HDAC4: variants seen among roughly 807,000 people sequenced by gnomAD.
HDAC4 encodes the protein histone deacetylase A.
HDAC4 carries 16 observed loss-of-function variants against 135.1 expected under a neutral mutation model. The ratio of observed to expected loss-of-function variants is 0.12; its 90% CI spans 0.08 to 0.18. HDAC4 has a LOEUF of 0.18. Ranked by LOEUF, HDAC4 falls within the 10% of genes least tolerant of loss-of-function variation. HDAC4 has a pLI of 1.00. For synonymous variants in HDAC4, 685 were observed against 653.4 expected, an observed-to-expected ratio of 1.05 and a Z score of -0.74; for missense variants, 1,143 against 1,511.8, an observed-to-expected ratio of 0.76 and a Z score of 4.05.
At chr2:239,357,899 AAAAAAAAAAAAAAAAAAAG>A (rs958066367) in intron 1 of HDAC4, among the ~76,000 whole-genome samples, 2 of 98,672 alleles carry the variant, frequency 2.0e-5, no homozygotes, top group African/African-American at 6.0e-5. Context: ...AAAAAAAAAA[AAAAAAAAAAAAAAAAAAAG>A]AGAGTGGGAA....
At position 239,146,198 on chromosome 2, in the gene HDAC4, C is replaced by T. The variant is rs969527946; in HGVS notation, c.734-1484G>A. ...TTCACAAGCTCCACTTCTATTTCCA[C>T]GCTGGGTTTCTTGCCATTATTCAAA... On this transcript the variant is annotated intron_variant, in intron 7 of 26. Transcript: ENST00000543185. The surrounding 1 kb of genome is among the most constrained non-coding windows in gnomAD (Gnocchi z 4.5). 4.6e-5 allele frequency among the ~76,000 whole-genome samples: 7 copies of T among 152,304 alleles called. No individual in the cohort carries two copies. Among genetic ancestry groups the T allele is most frequent in the Non-Finnish European group, 8.8e-5 (6 of 68,016 alleles).
At chr2:239,157,985 A>T (rs992011441) in intron 6 of HDAC4, among the ~76,000 whole-genome samples, 1 of 152,184 alleles carries the variant, frequency 6.6e-6, no homozygotes, top group African/African-American at 2.4e-5. Flanking sequence ...TGCTCAGGGC[A>T]CACCTCCAAC....
intron 11 of HDAC4, among the ~76,000 whole-genome samples, chr2:239,128,974 G>T (rs988461916): frequency 4.6e-5 from 7 of 152,304 alleles, no homozygotes; most frequent in African/African-American, 1.7e-4. Context: ...CTCCGCATGG[G>T]CCCAGGAATT....
chr2:239,061,049 G>A (rs1013406524), intron 24 of HDAC4, among the ~76,000 whole-genome samples: 9 of 152,264 alleles, frequency 5.9e-5, no homozygotes, highest in South Asian at 2.1e-4. Flanking sequence ...AGGAGCAAGC[G>A]GGACACACGA....
chr2:239,320,263 T>G (rs148509485), intron 2 of HDAC4, among the ~76,000 whole-genome samples: 2,739 of 151,194 alleles, frequency 0.018, 43 homozygotes, highest in Non-Finnish European at 0.028. Flanking sequence ...GCGCCTGTAA[T>G]CCCAGCTACT....
intron 2 of HDAC4, among the ~76,000 whole-genome samples, chr2:239,330,385 G>A (rs1407941209): frequency 6.6e-6 from 1 of 152,270 alleles, no homozygotes; most frequent in Non-Finnish European, 1.5e-5. Flanking sequence ...GCCTGAGCAA[G>A]GGCCACTGGG....
intron 5 of HDAC4, among the ~76,000 whole-genome samples, chr2:239,165,583 G>C (rs1208566317): frequency 6.6e-6 from 1 of 152,134 alleles, no homozygotes; most frequent in Non-Finnish European, 1.5e-5. Context: ...GCCCTGGCCT[G>C]GTTCGGCCTC....
At chr2:239,191,314 C>T (rs1410347510) in intron 3 of HDAC4, among the ~76,000 whole-genome samples, 1 of 152,248 alleles carries the variant, frequency 6.6e-6, no homozygotes, top group African/African-American at 2.4e-5. Flanking sequence ...AGCCCACCCA[C>T]GTTCACCCTG....
chr2:239,202,324 TAGAA>T (rs1469269944), intron 3 of HDAC4, among the ~76,000 whole-genome samples: 2 of 152,156 alleles, frequency 1.3e-5, no homozygotes, highest in African/African-American at 4.8e-5. Context: ...GACACTCAGA[TAGAA>T]AGACCTGGTC....
At chr2:239,118,042 C>T (rs1022226742) in intron 12 of HDAC4, among the ~76,000 whole-genome samples, 1 of 152,174 alleles carries the variant, frequency 6.6e-6, no homozygotes, top group African/African-American at 2.4e-5. Flanking sequence ...TCCGCTTGCT[C>T]CCAGGGGTCA....
At chr2:239,176,181 GC>G (rs1478617562) in intron 5 of HDAC4, among the ~76,000 whole-genome samples, 1 of 150,350 alleles carries the variant, frequency 6.7e-6, no homozygotes, top group Admixed American at 6.6e-5. Context: ...CCCTCCCTCT[GC>G]CCGGCCTCCC....
At chr2:239,377,437 G>A (rs1354543770) in intron 1 of HDAC4, among the ~76,000 whole-genome samples, 1 of 152,202 alleles carries the variant, frequency 6.6e-6, no homozygotes, top group Non-Finnish European at 1.5e-5. Flanking sequence ...GGGCTGCCCC[G>A]ACGCCTGCAT....
intron 22 of HDAC4, among the ~76,000 whole-genome samples, chr2:239,073,538 C>T (rs529963055): frequency 1.3e-5 from 2 of 152,360 alleles, no homozygotes; most frequent in East Asian, 1.9e-4. Context: ...AGAGCACAGG[C>T]GGCAGGACTT....
intron 3 of HDAC4, chr2:239,191,109 C>G (rs1190067884): frequency 2.4e-6 from 1 of 425,264 alleles, no homozygotes; most frequent in African/African-American, 2.0e-5. Context: ...CCCACAGGCC[C>G]ACCCCTCAGA....
At position 239,108,190 on chromosome 2, in the gene HDAC4, C is replaced by T. The variant is rs762045824; in HGVS notation, c.1979-7G>A. On this transcript the variant is annotated splice_polypyrimidine_tract_variant and splice_region_variant and intron_variant, in intron 14 of 26. Transcript: ENST00000543185. Reference sequence around the variant, plus strand: ...AGCGTGTCATACACGAGGCCTGGGGCGGGGCAGAGGGGCCAAGATCAGCGC... The same window carrying T: ...AGCGTGTCATACACGAGGCCTGGGGTGGGGCAGAGGGGCCAAGATCAGCGC... 1.3e-5 allele frequency: 20 copies of T among 1,594,534 alleles called. No homozygotes were observed. The highest frequency in any genetic ancestry group is 2.3e-5 in the East Asian group (1 of 43,838).
rs970997285 is a variant in HDAC4 at position 239,285,304 on chromosome 2, G to A, written c.23-48640C>T. On this transcript the variant is annotated intron_variant, in intron 2 of 26. Coordinates refer to ENST00000543185, the MANE Select transcript of HDAC4 (RefSeq NM_001378414.1). The surrounding 1 kb of genome is among the most constrained non-coding windows in gnomAD (Gnocchi z 4.5). Reference sequence around the variant, plus strand: ...CAGATCCCTGCTGGGAGTGGAGAACGCGCCGCGGCTGGGCCCCCAAGTTCG... The same window carrying A: ...CAGATCCCTGCTGGGAGTGGAGAACACGCCGCGGCTGGGCCCCCAAGTTCG... 1.4e-4 allele frequency among the ~76,000 whole-genome samples: 22 copies of A among 152,178 alleles called. No individual in the cohort carries two copies. The highest frequency in any genetic ancestry group is 2.9e-5 in the Non-Finnish European group (2 of 68,038).
intron 1 of HDAC4, among the ~76,000 whole-genome samples, chr2:239,371,133 G>A (rs1694581196): frequency 6.6e-6 from 1 of 152,228 alleles, no homozygotes; most frequent in African/African-American, 2.4e-5. Context: ...CAGGAACCCT[G>A]CGCCTCAGGC....
chr2:239,161,579 CAAG>C (rs1202186085), intron 6 of HDAC4, among the ~76,000 whole-genome samples: 3 of 152,154 alleles, frequency 2.0e-5, no homozygotes, highest in Admixed American at 1.3e-4. Flanking sequence ...TACGGCAAAA[CAAG>C]AAAACCACCA....
intron 22 of HDAC4, among the ~76,000 whole-genome samples, chr2:239,079,238 C>T (rs1311961976): frequency 1.3e-5 from 2 of 152,190 alleles, no homozygotes; most frequent in Non-Finnish European, 2.9e-5. Flanking sequence ...TTAGGCAGGG[C>T]ATCTGTCAAC....
Sources: gnomAD v4.1 joint callset for allele counts (sites outside exome capture counted in the v4.1 genomes callset) on GRCh38, gnomAD v4.1.1 for gene constraint, Gnocchi (gnomAD v3.1) non-coding constraint, MANE v1.5 for transcripts, NCBI Gene and HGNC (gene_info 2026-07-23, HGNC 2026-07-21) for gene names.